The following ZNF2 variants were observed in gnomAD, a reference collection of about 807,000 sequenced individuals.
The protein encoded by ZNF2 is zinc finger protein 2.2.
A neutral mutation model predicts 21.9 loss-of-function variants in ZNF2; 12 were observed. The observed-to-expected ratio is 0.55, with a 90% CI of 0.35 to 0.89. ZNF2 has a LOEUF of 0.89. Among genes scored for constraint, ZNF2 ranks in the 40% least tolerant of loss-of-function variants. ZNF2 has a pLI of 0.01. For synonymous variants in ZNF2, 186 were observed against 196.3 expected, an observed-to-expected ratio of 0.95 and a Z score of 0.44; for missense variants, 462 against 544.2, an observed-to-expected ratio of 0.85 and a Z score of 1.50.
intron 3 of ZNF2, among the ~76,000 whole-genome samples, chr2:95,177,861 C>T (rs544216161): frequency 9.9e-5 from 15 of 152,272 alleles, no homozygotes; most frequent in South Asian, 4.2e-4. Context: ...GCAGCCTGCC[C>T]GGCAAAATTC....
chr2:95,176,067 C>T (rs996819010), intron 1 of ZNF2, 121 bp from the exon 2 acceptor site: 1 of 901,476 alleles, frequency 1.1e-6, no homozygotes, highest in Non-Finnish European at 1.8e-6. Flanking sequence ...CTTAGACCCC[C>T]TTTTGTAAGG....
rs181557716 is a variant in ZNF2 at position 95,183,075 on chromosome 2, A to T, written c.*969A>T. The T allele has an allele frequency of 6.6e-6, 1 of 151,914 alleles. No individual in the cohort carries two copies. The highest frequency in any genetic ancestry group is 1.9e-4 in the East Asian group (1 of 5,190). The allele number at this position is 151,914 out of a possible 1,614,324, so 9.4% of individuals were successfully genotyped here. A position where few individuals can be genotyped will look rare whatever the true frequency, so the allele number is the denominator to read the frequency against. Reference sequence around the variant, plus strand: ...TATACTTTTATCATCCCCAGCTCCCACTCCTGGCAGCAGTAGCTTTCTAAT... The same window carrying T: ...TATACTTTTATCATCCCCAGCTCCCTCTCCTGGCAGCAGTAGCTTTCTAAT... On this transcript the variant is annotated 3_prime_UTR_variant, in exon 5 of 5. Transcript: ENST00000614034.
At chr2:95,180,898 G>C (rs1490982805) in intron 4 of ZNF2, among the ~76,000 whole-genome samples, 1 of 152,126 alleles carries the variant, frequency 6.6e-6, no homozygotes, top group Non-Finnish European at 1.5e-5. Flanking sequence ...ACATTCTCCT[G>C]TTTTCTGAGG....
intron 2 of ZNF2, 67 bp downstream of exon 2, chr2:95,176,326 C>A: frequency 6.2e-7 from 1 of 1,602,190 alleles, no homozygotes; most frequent in South Asian, 1.1e-5. Flanking sequence ...TTTTCTTTCT[C>A]TATCCTGGAG....
At chr2:95,176,919 T>TA (rs11312026) in intron 2 of ZNF2, among the ~76,000 whole-genome samples, 1 of 150,950 alleles carries the variant, frequency 6.6e-6, no homozygotes, top group Non-Finnish European at 1.5e-5. Flanking sequence ...TAAGGATTTG[T>TA]AAAAAAAAAA....
rs934266780 is a variant in ZNF2 at position 95,184,129 on chromosome 2, G to C, written c.*2023G>C. 2.0e-5 allele frequency: 3 copies of C among 152,150 alleles called. No homozygotes were observed. The highest frequency in any genetic ancestry group is 7.2e-5 in the African/African-American group (3 of 41,426). 9.4% of individuals were successfully genotyped at this position (152,150 alleles called of 1,614,324 possible). On this transcript the variant is annotated 3_prime_UTR_variant, in exon 5 of 5. Coordinates refer to ENST00000614034, the MANE Select transcript of ZNF2 (RefSeq NM_021088.4). The stretch of plus-strand genomic sequence containing the variant: ...ATTCGAGAAGCTGAATTACCAAACA[G>C]ACCCTCCCCAACCTACTAACGACCC...
chr2:95,177,883 G>T (rs995817118), intron 3 of ZNF2, among the ~76,000 whole-genome samples: 1 of 152,206 alleles, frequency 6.6e-6, no homozygotes, highest in African/African-American at 2.4e-5. Context: ...GGGAGGGCCA[G>T]CGAGGGCTGA....
At chr2:95,171,464 C>A (rs574310180) in intron 1 of ZNF2, among the ~76,000 whole-genome samples, 6 of 150,908 alleles carry the variant, frequency 4.0e-5, no homozygotes, top group African/African-American at 1.5e-4. Context: ...CTCACTGCAA[C>A]CTTTGCCTCC....
Position 95,182,016 on chromosome 2 carries a change from C to T in ZNF2, c.1188C>T (p.Pro396=). 3.1e-6 allele frequency: 5 copies of T among 1,614,272 alleles called. No homozygotes were observed. The highest frequency in any genetic ancestry group is 4.2e-6 in the Non-Finnish European group (5 of 1,180,050). ...AGCGTGTCCACACGGGAGAGAAGCC[C>T]TTTGAATGCACTGTGTGTGGGAAAG... is the stretch of plus-strand genomic sequence containing the variant. The part of the protein sequence containing the change: ...RHQRVHTGEK[P]FECTVCGKVF... Residue 396 remains proline, a synonymous_variant, in exon 5 of 5, where the codon CCC becomes CCT. Coordinates refer to ENST00000614034, the MANE Select transcript of ZNF2 (RefSeq NM_021088.4).
intron 1 of ZNF2, among the ~76,000 whole-genome samples, chr2:95,166,470 G>C (rs1674045166): frequency 1.3e-5 from 2 of 152,166 alleles, no homozygotes; most frequent in South Asian, 4.1e-4. Flanking sequence ...ATCAGGACAA[G>C]ACTCAGTAGG....
At chr2:95,172,228 C>T (rs1674299278) in intron 1 of ZNF2, among the ~76,000 whole-genome samples, 1 of 152,194 alleles carries the variant, frequency 6.6e-6, no homozygotes, top group African/African-American at 2.4e-5. Flanking sequence ...TAGGAGAGCA[C>T]ATGTTCACCA....
rs1162309833 is a variant in ZNF2, at chr2:95,180,265, C to T, written c.267C>T (p.Val89=). The change falls in exon 4 of 5, where the codon GTC becomes GTT. Residue 89 remains valine (V), a synonymous_variant. Transcript: ENST00000614034. ...GSEEREWPES[V]SLDWETKPEI... is the part of the protein sequence containing the mutation. ...AGGAGAGAGAATGGCCAGAGAGTGT[C>T]TCTCTAGGTAACTGAGTGTGAACAA... is the stretch of plus-strand genomic sequence containing the variant. 1.9e-6 allele frequency: 3 copies of T among 1,609,968 alleles called. No individual in the cohort carries two copies. The highest frequency in any genetic ancestry group is 2.5e-6 in the Non-Finnish European group (3 of 1,176,520).
At chr2:95,174,620 C>T (rs1674382414) in intron 1 of ZNF2, among the ~76,000 whole-genome samples, 1 of 152,204 alleles carries the variant, frequency 6.6e-6, no homozygotes, top group Non-Finnish European at 1.5e-5. Context: ...GATCCCACTC[C>T]TGTCAAGAAA....
intron 1 of ZNF2, among the ~76,000 whole-genome samples, chr2:95,167,647 A>G (rs1674126336): frequency 6.6e-6 from 1 of 152,078 alleles, no homozygotes; most frequent in Admixed American, 6.5e-5. Context: ...CAGGAGTTCA[A>G]GACCAGCCTG....
intron 1 of ZNF2, among the ~76,000 whole-genome samples, chr2:95,172,271 A>G (rs1406414650): frequency 6.6e-6 from 1 of 152,162 alleles, no homozygotes; most frequent in Non-Finnish European, 1.5e-5. Flanking sequence ...TAGTTTAGGC[A>G]TAGTAGACCA....
chr2:95,168,031 A>T lies in ZNF2; in HGVS notation c.-40+2171A>T, dbSNP rs774030261. Reference sequence around the variant, plus strand: ...AGAACTGCTTTGCTAGAAGGAGGTCATGGGATTCAGTGAAAATAGTTTCAG... The same window carrying T: ...AGAACTGCTTTGCTAGAAGGAGGTCTTGGGATTCAGTGAAAATAGTTTCAG... On this transcript the variant is annotated intron_variant, in intron 1 of 4. Coordinates refer to ENST00000614034, the MANE Select transcript of ZNF2 (RefSeq NM_021088.4). Among the ~76,000 whole-genome samples the T allele has an allele frequency of 1.1e-4, 16 of 151,686 alleles. 1 individual carries two copies. Among genetic ancestry groups the T allele is most frequent in the Non-Finnish European group, 1.8e-4 (12 of 67,940 alleles).
intron 1 of ZNF2, among the ~76,000 whole-genome samples, chr2:95,168,302 G>A (rs764106566): frequency 6.6e-6 from 1 of 152,040 alleles, no homozygotes; most frequent in African/African-American, 2.4e-5. Flanking sequence ...GCCCGCGCCT[G>A]TAGTCCCAGC....
Position 95,182,645 on chromosome 2 carries a change from G to A in ZNF2, c.*539G>A, listed in dbSNP as rs1336129368. 2.0e-5 allele frequency: 3 copies of A among 153,594 alleles called. No individual in the cohort carries two copies. The highest frequency in any genetic ancestry group is 7.2e-5 in the African/African-American group (3 of 41,420). 9.5% of individuals were successfully genotyped at this position (153,594 alleles called of 1,614,324 possible). A position where few individuals can be genotyped will look rare whatever the true frequency, so the allele number is the denominator to read the frequency against. ...TCAGCTAAGGGTTTTACAGGAAGTA[G>A]ATTAATTGATCCTGTCACCAACCAT... is the stretch of plus-strand genomic sequence containing the variant. On this transcript the variant is annotated 3_prime_UTR_variant, in exon 5 of 5. Transcript: ENST00000614034.
Position 95,181,690 on chromosome 2 carries a change from C to T in ZNF2, c.862C>T (p.His288Tyr), listed in dbSNP as rs1310378461. ...CACTGGAGAAAGTCCTTATGAATGT[C>T]ATCAGTGTGGGAAAGCCTTTAGCCA... ...IHTGESPYECHQCGKAFSQKS... is the reference protein window; with the variant it reads ...IHTGESPYECYQCGKAFSQKS... The change falls in exon 5 of 5, where the codon CAT (histidine) becomes TAT (tyrosine). Residue 288 changes from histidine (H) to tyrosine (Y), a missense_variant. By Grantham distance (83) the His-to-Tyr change is moderately conservative. Coordinates refer to ENST00000614034, the MANE Select transcript of ZNF2 (RefSeq NM_021088.4). The T allele has an allele frequency of 1.9e-6, 3 of 1,614,186 alleles. No homozygotes were observed. Among genetic ancestry groups the T allele is most frequent in the Non-Finnish European group, 2.5e-6 (3 of 1,180,042 alleles).
Sources: gnomAD v4.1 joint callset for allele counts (sites outside exome capture counted in the v4.1 genomes callset) on GRCh38, gnomAD v4.1.1 for gene constraint, MANE v1.5 for transcripts, NCBI Gene and HGNC (gene_info 2026-07-23, HGNC 2026-07-21) for gene names.